The following CD24 variants were observed in gnomAD, a reference collection of about 807,000 sequenced individuals.
CD24 encodes the protein CD24 molecule.
Under a neutral mutation model 3.6 loss-of-function variants are expected in CD24, and 2 were observed. The ratio of observed to expected loss-of-function variants is 0.56; its 90% CI spans 0.23 to 1.77. CD24 has a LOEUF of 1.77. Among genes scored for constraint, CD24 ranks in the 40% most tolerant of loss-of-function variants. CD24 has a pLI of 0.18. For missense variants in CD24, 62 were observed against 93.6 expected (o/e 0.66, Z 1.39); for synonymous variants, 33 against 44.9 (o/e 0.74, Z 1.06).
intron 1 of CD24, 109 bp from the exon 2 acceptor site, chr6:106,971,943 A>T: frequency 1.4e-6 from 1 of 736,454 alleles, no homozygotes; most frequent in Non-Finnish European, 2.2e-6. Context: ...CTCTCTTACC[A>T]TTGTTCTCTT....
intron 1 of CD24, chr6:106,973,588 A>G: frequency 2.5e-6 from 1 of 398,390 alleles, no homozygotes. Flanking sequence ...CCCCAGTGAC[A>G]GTCCTCGATT....
intron 1 of CD24, among the ~76,000 whole-genome samples, chr6:106,972,273 T>C (rs968050019): frequency 6.6e-6 from 1 of 152,218 alleles, no homozygotes; most frequent in African/African-American, 2.4e-5. Flanking sequence ...CTAGAATTCA[T>C]TGGGTCACTG....
intron 1 of CD24, 56 bp from the exon 2 acceptor site, chr6:106,971,890 T>C: frequency 1.8e-6 from 2 of 1,106,580 alleles, no homozygotes; most frequent in Non-Finnish European, 2.6e-6. Context: ...TACCTCCATG[T>C]ACTCTCATAT....
intron 1 of CD24, chr6:106,973,856 C>G: frequency 2.5e-6 from 1 of 398,526 alleles, no homozygotes; most frequent in Non-Finnish European, 4.4e-6. Context: ...CAAAGCCTGG[C>G]GGGGACTCGG....
intron 1 of CD24, chr6:106,973,675 T>TCGCCCC (rs1773029323): frequency 3.5e-5 from 14 of 398,578 alleles, no homozygotes; most frequent in Non-Finnish European, 5.7e-5. Context: ...CGTACCTTCT[T>TCGCCCC]CGCCCCCGCC....
At chr6:106,973,869 C>G (rs1773036076) in intron 1 of CD24, 1 of 398,454 alleles carries the variant, frequency 2.5e-6, no homozygotes, top group Non-Finnish European at 4.4e-6. Context: ...GGACTCGGGA[C>G]AGAATCGTCC....
At chr6:106,974,136 T>G in intron 1 of CD24, 1 of 390,506 alleles carries the variant, frequency 2.6e-6, no homozygotes, top group East Asian at 3.7e-5. Flanking sequence ...GTCGCCTCTC[T>G]TTGTGTAGAG....
Position 106,971,914 on chromosome 6 carries a change from G to A in CD24, c.70-80C>T, listed in dbSNP as rs1221244045. ...GTACTCTCATATAAAATTAAAGTAG[G>A]TGATATATTCTTAGATTGCTCTCTT... On this transcript the variant is annotated intron_variant, in intron 1 of 1. Coordinates refer to ENST00000606017, the MANE Select transcript of CD24 (RefSeq NM_001359084.1). 4 of 943,192 alleles carry A rather than the reference G, an allele frequency of 4.2e-6. No homozygotes were observed. In the East Asian group the frequency reaches 1.1e-4, roughly 25 times the overall value. The allele number at this position is 943,192 out of a possible 1,614,324, so 58.4% of individuals were successfully genotyped here.
intron 1 of CD24, chr6:106,973,926 T>C: frequency 2.5e-6 from 1 of 398,460 alleles, no homozygotes. Context: ...TAAAATAACA[T>C]GGGGATCCTA....
At chr6:106,973,029 T>C (rs1327022845) in intron 1 of CD24, among the ~76,000 whole-genome samples, 1 of 152,166 alleles carries the variant, frequency 6.6e-6, no homozygotes, top group Non-Finnish European at 1.5e-5. Context: ...GTGTGTCCCA[T>C]CAGGAAACGG....
Position 106,974,724 on chromosome 6 carries a change from C to A in CD24, c.-78G>T, listed in dbSNP as rs1440861025. 9 of 1,431,204 alleles carry A rather than the reference C, an allele frequency of 6.3e-6. No individual in the cohort carries two copies. Among genetic ancestry groups the A allele is most frequent in the Admixed American group, 2.7e-5 (1 of 37,650 alleles). The allele number at this position is 1,431,204 out of a possible 1,614,324, so 88.7% of individuals were successfully genotyped here. Reference sequence around the variant, plus strand: ...ACCGCTGGCTCCGGGCGGGCGCAGGCAAGGTGGGGAGCGCGGCGAGCCGGC... The same window carrying A: ...ACCGCTGGCTCCGGGCGGGCGCAGGAAAGGTGGGGAGCGCGGCGAGCCGGC... On this transcript the variant is annotated 5_prime_UTR_variant, in exon 1 of 2. Coordinates refer to ENST00000606017, the MANE Select transcript of CD24 (RefSeq NM_001359084.1).
upstream of CD24, chr6:106,974,817 TCCGCCGCCGC>T: frequency 2.0e-6 from 1 of 504,576 alleles, no homozygotes; most frequent in Non-Finnish European, 3.1e-6. Context: ...CCGGCTCCCC[TCCGCCGCCGC>T]CCGCCGCCTC....
chr6:106,973,612 G>A, intron 1 of CD24: 1 of 398,470 alleles, frequency 2.5e-6, no homozygotes, highest in Non-Finnish European at 4.4e-6. Context: ...CCCAATCGAA[G>A]GCGCTGGAGA....
intron 1 of CD24, chr6:106,973,592 C>G (rs1773027728): frequency 2.5e-6 from 1 of 398,280 alleles, no homozygotes; most frequent in African/African-American, 2.1e-5. Context: ...AGTGACAGTC[C>G]TCGATTAACC....
chr6:106,975,746 C>T (rs1375385544), upstream of CD24: 1 of 152,312 alleles, frequency 6.6e-6, no homozygotes, highest in Admixed American at 6.5e-5. Flanking sequence ...GGCTCTGCTC[C>T]CAGGTTCTAC....
In CD24 at chr6:106,971,511, A is replaced by T. The variant is rs1236058128; in HGVS notation, c.*150T>A. ...GTTCTTCAAATCAATCAAATTTGGGATTCTCAACATTTTCTGTGTCAATAA... is the reference window on the plus strand; with the variant it reads ...GTTCTTCAAATCAATCAAATTTGGGTTTCTCAACATTTTCTGTGTCAATAA... On this transcript the variant is annotated 3_prime_UTR_variant, in exon 2 of 2. Coordinates refer to ENST00000606017, the MANE Select transcript of CD24 (RefSeq NM_001359084.1). 1.4e-5 allele frequency: 9 copies of T among 628,130 alleles called. No homozygotes were observed. The highest frequency in any genetic ancestry group is 3.2e-5 in the Admixed American group (1 of 31,054). 38.9% of individuals were successfully genotyped at this position (628,130 alleles called of 1,614,324 possible). A position where few individuals can be genotyped will look rare whatever the true frequency, so the allele number is the denominator to read the frequency against.
At chr6:106,974,387 G>A (rs1012621284) in intron 1 of CD24, among the ~76,000 whole-genome samples, 191 bp downstream of exon 1, 2 of 152,306 alleles carry the variant, frequency 1.3e-5, no homozygotes, top group East Asian at 1.9e-4. Context: ...GAGGAGGGGG[G>A]GCAGCACGCA....
At chr6:106,974,510 C>T (rs1186195522) in intron 1 of CD24, 68 bp downstream of exon 1, 2 of 912,872 alleles carry the variant, frequency 2.2e-6, no homozygotes, top group Non-Finnish European at 3.1e-6. Context: ...TCCCCCGGGA[C>T]CGGGTCCATC....
intron 1 of CD24, chr6:106,973,243 T>G (rs1004717298): frequency 6.0e-4 from 95 of 158,234 alleles, no homozygotes; most frequent in African/African-American, 2.1e-3. Context: ...AAAATTATGT[T>G]TATTAAACTG....
Sources: allele counts gnomAD v4.1 joint callset (sites outside exome capture counted in the v4.1 genomes callset), GRCh38; gene constraint gnomAD v4.1.1; transcripts MANE v1.5; gene names NCBI Gene and HGNC (gene_info 2026-07-23, HGNC 2026-07-21).